Variants in NXPE2 observed in about 807,000 individuals in gnomAD.
The protein encoded by NXPE2 is neurexophilin and PC-esterase domain family member 2.
A neutral mutation model predicts 34.4 loss-of-function variants in NXPE2; 34 were observed. The ratio of observed to expected loss-of-function variants is 0.99; its 90% CI spans 0.75 to 1.31. The LOEUF (loss-of-function observed/expected upper bound fraction) is 1.31. Among genes scored for constraint, NXPE2 ranks in the 40% most tolerant of loss-of-function variants. NXPE2 has a pLI of 0.00. For synonymous variants in NXPE2, 235 were observed against 231.3 expected (o/e 1.02, Z -0.15); for missense variants, 649 against 672.5 (o/e 0.97, Z 0.39).
the NXPE2 span, chr11:114,571,042 T>A: frequency 6.2e-7 from 1 of 1,613,682 alleles, no homozygotes; most frequent in South Asian, 1.1e-5. Flanking sequence ...CAGGCATCAA[T>A]GATACTCACA....
At chr11:114,556,340 T>C in the NXPE2 span, among the ~76,000 whole-genome samples, 1 of 152,206 alleles carries the variant, frequency 6.6e-6, no homozygotes, top group Non-Finnish European at 1.5e-5. Flanking sequence ...TCTCTACTTA[T>C]TCAGCAGTTG....
At chr11:114,634,682 C>T in the NXPE2 span, among the ~76,000 whole-genome samples, 13 of 151,974 alleles carry the variant, frequency 8.6e-5, no homozygotes, top group Middle Eastern at 3.4e-3. Flanking sequence ...TTCTACATAT[C>T]GCTAGTTGGT....
At chr11:114,744,209 C>A in the NXPE2 span, among the ~76,000 whole-genome samples, 1 of 152,044 alleles carries the variant, frequency 6.6e-6, no homozygotes. Flanking sequence ...GTCTTTTGTG[C>A]AAATTAGAGA....
At chr11:114,537,520 A>G in the NXPE2 span, among the ~76,000 whole-genome samples, 2 of 152,202 alleles carry the variant, frequency 1.3e-5, no homozygotes, top group Non-Finnish European at 2.9e-5. Flanking sequence ...ATGATTGTAT[A>G]TCTAGAAAAC....
chr11:114,544,230 T>C, the NXPE2 span, among the ~76,000 whole-genome samples: 1 of 152,158 alleles, frequency 6.6e-6, no homozygotes, highest in South Asian at 2.1e-4. Context: ...ATCAACAAAC[T>C]GACTGAAATT....
At chr11:114,754,762 C>T in the NXPE2 span, among the ~76,000 whole-genome samples, 21 of 152,194 alleles carry the variant, frequency 1.4e-4, no homozygotes, top group African/African-American at 5.1e-4. Context: ...TAGAAACTGG[C>T]CTTAGTGTCG....
the NXPE2 span, among the ~76,000 whole-genome samples, chr11:114,501,772 C>T: frequency 6.6e-6 from 1 of 152,092 alleles, no homozygotes; most frequent in African/African-American, 2.4e-5. Flanking sequence ...TTGGAAGAGA[C>T]TTAGTATCTC....
rs1376593645 is a variant in NXPE2, at chr11:114,679,684, A to G, written c.54A>G (p.Ile18Met). The G allele has an allele frequency of 6.5e-7, 1 of 1,549,996 alleles. No homozygotes were observed. Among genetic ancestry groups the G allele is most frequent in the East Asian group, 2.4e-5 (1 of 41,036 alleles). ...HRILTLFPNA[I>M]ARKLLLMLTF... ...TACTCACTTTGTTTCCAAATGCCAT[A>G]GCTCGAAAATTACTGCTGATGTTGA... Residue 18 changes from isoleucine (I) to methionine (M), a missense_variant, in exon 2 of 6, where the codon ATA becomes ATG. Coordinates refer to ENST00000389586, the MANE Select transcript of NXPE2 (RefSeq NM_182495.6).
At chr11:114,777,713 G>A in the NXPE2 span, among the ~76,000 whole-genome samples, 21 of 152,150 alleles carry the variant, frequency 1.4e-4, no homozygotes, top group Non-Finnish European at 2.9e-4. Context: ...TCCCGTGTGA[G>A]CATAGTACAG....
At chr11:114,589,546 T>C in the NXPE2 span, among the ~76,000 whole-genome samples, 29 of 152,092 alleles carry the variant, frequency 1.9e-4, no homozygotes, top group African/African-American at 6.0e-4. Flanking sequence ...ACTTCTTTAT[T>C]AGGTAGAGAC....
chr11:114,537,754 A>G, the NXPE2 span, among the ~76,000 whole-genome samples: 1 of 152,114 alleles, frequency 6.6e-6, no homozygotes. Context: ...AAGGAGAACT[A>G]CAAACCACTG....
the NXPE2 span, among the ~76,000 whole-genome samples, chr11:114,812,119 G>C: frequency 1.3e-5 from 2 of 152,216 alleles, no homozygotes; most frequent in African/African-American, 4.8e-5. Flanking sequence ...ACACACAGTG[G>C]AGTTTGAGCT....
the NXPE2 span, among the ~76,000 whole-genome samples, chr11:114,646,505 T>C: frequency 6.6e-6 from 1 of 152,026 alleles, no homozygotes; most frequent in Non-Finnish European, 1.5e-5. Context: ...CTTAACTTTA[T>C]TAGAACAATG....
At chr11:114,698,866 T>A in intron 3 of NXPE2, 88 bp downstream of exon 3, 1 of 1,247,654 alleles carries the variant, frequency 8.0e-7, no homozygotes, top group Non-Finnish European at 1.1e-6. Context: ...AACTTTTGTA[T>A]CATGTCAATT....
the NXPE2 span, among the ~76,000 whole-genome samples, chr11:114,553,302 T>C: frequency 6.6e-6 from 1 of 152,074 alleles, no homozygotes; most frequent in Middle Eastern, 3.2e-3. Flanking sequence ...CCTCGGAGAG[T>C]CCCTCATTCG....
At chr11:114,571,499 A>C in the NXPE2 span, 2 of 1,558,664 alleles carry the variant, frequency 1.3e-6, no homozygotes, top group South Asian at 2.4e-5. Flanking sequence ...CAATCCCAAA[A>C]TAAAAGGAGG....
the NXPE2 span, among the ~76,000 whole-genome samples, chr11:114,631,378 A>G: frequency 6.6e-6 from 1 of 151,966 alleles, no homozygotes; most frequent in Non-Finnish European, 1.5e-5. Context: ...TTGTAGGGAC[A>G]TGGATGAAAT....
the NXPE2 span, chr11:114,518,072 T>C: frequency 2.0e-5 from 3 of 152,332 alleles, no homozygotes; most frequent in Non-Finnish European, 4.4e-5. Context: ...ACTTAAGTGT[T>C]CCCACCCTCT....
At chr11:114,625,753 A>G in the NXPE2 span, among the ~76,000 whole-genome samples, 1 of 152,280 alleles carries the variant, frequency 6.6e-6, no homozygotes, top group African/African-American at 2.4e-5. Flanking sequence ...CTGCATTTCC[A>G]TCTGAGGTAC....
Sources: allele counts gnomAD v4.1 joint callset (sites outside exome capture counted in the v4.1 genomes callset), GRCh38; gene constraint gnomAD v4.1.1; transcripts MANE v1.5; gene names NCBI Gene and HGNC (gene_info 2026-07-23, HGNC 2026-07-21).